Variants in COL4A6 observed in about 807,000 individuals in gnomAD.
The protein encoded by COL4A6 is collagen type IV alpha 6 chain.
Under a neutral mutation model 126.7 loss-of-function variants are expected in COL4A6, and 59 were observed. The observed-to-expected ratio is 0.47, with a 90% CI of 0.38 to 0.58. COL4A6 has a LOEUF of 0.58. Among genes scored for constraint, COL4A6 ranks in the 20% least tolerant of loss-of-function variants. The pLI is 0.00. For missense variants in COL4A6, 1,285 were observed against 1,337.3 expected (o/e 0.96, Z 0.61); for synonymous variants, 547 against 496.6 (o/e 1.10, Z -1.35).
intron 2 of COL4A6, among the ~76,000 whole-genome samples, chrX:108,399,969 T>C (rs2041050859): frequency 9.0e-6 from 1 of 111,691 alleles, no homozygotes; most frequent in Non-Finnish European, 1.9e-5. Flanking sequence ...ATTGCTGTCA[T>C]CATGACTACC....
intron 3 of COL4A6, among the ~76,000 whole-genome samples, chrX:108,229,889 T>C (rs1174180560): frequency 8.9e-6 from 1 of 112,154 alleles, no homozygotes; most frequent in Non-Finnish European, 1.9e-5. Context: ...TGGACTAGGT[T>C]CATGGCAGTG....
chrX:108,211,421 G>C (rs993961241), intron 7 of COL4A6, among the ~76,000 whole-genome samples: 3 of 113,177 alleles, frequency 2.7e-5, no homozygotes, highest in Non-Finnish European at 5.6e-5. Context: ...CATGCAAACT[G>C]TTTGTTTGCT....
At chrX:108,304,176 T>G (rs2038567126) in intron 3 of COL4A6, among the ~76,000 whole-genome samples, 1 of 111,867 alleles carries the variant, frequency 8.9e-6, no homozygotes, top group South Asian at 3.8e-4. Flanking sequence ...TATTTATCTA[T>G]CTCCTTCTCC....
intron 2 of COL4A6, among the ~76,000 whole-genome samples, chrX:108,344,477 G>A (rs1444066411): frequency 8.9e-6 from 1 of 111,860 alleles, no homozygotes; most frequent in Admixed American, 9.5e-5. Flanking sequence ...TAAAAGATAT[G>A]TGCTTAAGAT....
chrX:108,235,717 T>C (rs1459489468), intron 3 of COL4A6, among the ~76,000 whole-genome samples: 1 of 111,653 alleles, frequency 9.0e-6, no homozygotes. Flanking sequence ...TGCCCAACTG[T>C]TTCCTTAGAG....
intron 13 of COL4A6, among the ~76,000 whole-genome samples, chrX:108,197,873 T>C (rs1230668323): frequency 9.1e-6 from 1 of 110,066 alleles, no homozygotes; most frequent in Non-Finnish European, 1.9e-5. Context: ...GCATTTAGTA[T>C]AACTGTGCAT....
intron 2 of COL4A6, among the ~76,000 whole-genome samples, chrX:108,405,345 TG>T (rs1160188503): frequency 9.1e-6 from 1 of 109,856 alleles, no homozygotes; most frequent in Non-Finnish European, 1.9e-5. Context: ...ATTACAGGCC[TG>T]GCTGATTTTT....
At chrX:108,246,953 A>G (rs1329378036) in intron 3 of COL4A6, among the ~76,000 whole-genome samples, 1 of 112,140 alleles carries the variant, frequency 8.9e-6, no homozygotes, top group Middle Eastern at 4.6e-3. Context: ...AGTTCTTGAC[A>G]TAGGGCCTTG....
chrX:108,357,118 A>C (rs1461992524), intron 2 of COL4A6, among the ~76,000 whole-genome samples: 2 of 111,924 alleles, frequency 1.8e-5, no homozygotes, highest in Non-Finnish European at 3.8e-5. Context: ...ACATACATAC[A>C]TATATACAAA....
At chrX:108,310,624 T>C (rs1194244747) in intron 3 of COL4A6, 124 bp downstream of exon 3, 2 of 541,400 alleles carry the variant, frequency 3.7e-6, no homozygotes, top group Non-Finnish European at 6.2e-6. Context: ...TTCCAGCTGG[T>C]CCTCATCACT....
In COL4A6 at chrX:108,190,413, G is replaced by T. The variant is rs200541162; in HGVS notation, c.1405C>A (p.Leu469Ile). The change falls in exon 20 of 45, where the codon CTA becomes ATA. Residue 469 changes from leucine (L) to isoleucine (I), a missense_variant. By Grantham distance (5) the Leu-to-Ile change is conservative. Transcript: ENST00000334504. ...TCACCTTTTATTCCTTTGAGGCCTA[G>T]GTTTCCTTTTGGACCTTGTTCTCCT... ...LRGEQGPKGN[L>I]GLKGIKGDSG... 19 of 1,202,220 alleles carry T rather than the reference G, an allele frequency of 1.6e-5. No individual in the cohort carries two copies. The highest frequency in any genetic ancestry group is 5.6e-6 in the Non-Finnish European group (5 of 889,138).
intron 2 of COL4A6, among the ~76,000 whole-genome samples, chrX:108,407,361 G>T (rs1271820961): frequency 8.9e-6 from 1 of 112,062 alleles, no homozygotes; most frequent in Non-Finnish European, 1.9e-5. Flanking sequence ...TGATTCAGGG[G>T]ATAATTTTTA....
chrX:108,202,606 G>A (rs1215112997), intron 13 of COL4A6, among the ~76,000 whole-genome samples: 1 of 111,582 alleles, frequency 9.0e-6, no homozygotes, highest in African/African-American at 3.3e-5. Context: ...TTGTAGGTTA[G>A]GAAACTGAGG....
Position 108,247,325 on chromosome X carries a change from T to C in COL4A6, c.145-25951A>G, listed in dbSNP as rs187553927. Among the ~76,000 whole-genome samples the C allele has an allele frequency of 1.3e-3, 151 of 112,206 alleles. 1 individual carries two copies. The highest frequency in any genetic ancestry group is 4.8e-3 in the African/African-American group (148 of 30,886). ...TGATAATGAGGATTAACAGCATCAA[T>C]TGATATAAAGCACTTAGAACAACGC... On this transcript the variant is annotated intron_variant, in intron 3 of 44. Coordinates refer to ENST00000334504, the MANE Select transcript of COL4A6 (RefSeq NM_033641.4).
intron 2 of COL4A6, among the ~76,000 whole-genome samples, chrX:108,386,514 G>A (rs2040696327): frequency 8.9e-6 from 1 of 112,145 alleles, no homozygotes; most frequent in South Asian, 3.7e-4. Context: ...CTGCATAAAC[G>A]TCTTCTTTTG....
chrX:108,193,018 G>T (rs1162578685), intron 17 of COL4A6, among the ~76,000 whole-genome samples: 2 of 112,102 alleles, frequency 1.8e-5, no homozygotes, highest in African/African-American at 6.5e-5. Flanking sequence ...GGGATAAGTT[G>T]GAAGATCCAT....
intron 3 of COL4A6, among the ~76,000 whole-genome samples, chrX:108,254,708 C>T (rs2036946761): frequency 1.8e-5 from 2 of 110,693 alleles, no homozygotes; most frequent in Admixed American, 9.6e-5. Context: ...GGCTCACACA[C>T]TTATCTAAAT....
rs139988853 is a variant in COL4A6, at chrX:108,180,933, C to T, written c.1987G>A (p.Gly663Ser). ...TLPCIIPGSY[G>S]PSGFPGTPGF... Reference sequence around the variant, plus strand: ...GGAGTGCCTGGAAATCCTGATGGACCGTATGACCCAGGAATAATACAGGGC... The same window carrying T: ...GGAGTGCCTGGAAATCCTGATGGACTGTATGACCCAGGAATAATACAGGGC... Residue 663 changes from glycine to serine, a missense_variant, in exon 24 of 45, where the codon GGT becomes AGT. Transcript: ENST00000334504. The T allele has an allele frequency of 4.7e-5, 57 of 1,209,405 alleles. No homozygotes were observed. Among genetic ancestry groups the T allele is most frequent in the East Asian group, 2.4e-4 (8 of 33,760 alleles).
At chrX:108,341,140 T>A (rs1421499677) in intron 2 of COL4A6, among the ~76,000 whole-genome samples, 1 of 111,323 alleles carries the variant, frequency 9.0e-6, no homozygotes, top group Non-Finnish European at 1.9e-5. Context: ...AAACATCCAT[T>A]GGGCTGTGTC....
Sources: gnomAD v4.1 joint callset for allele counts (sites outside exome capture counted in the v4.1 genomes callset) on GRCh38, gnomAD v4.1.1 for gene constraint, MANE v1.5 for transcripts, NCBI Gene and HGNC (gene_info 2026-07-23, HGNC 2026-07-21) for gene names.